MYBBP1A: variants seen among roughly 807,000 people sequenced by gnomAD.
MYBBP1A encodes MYB binding protein 1a.
A neutral mutation model predicts 136.3 loss-of-function variants in MYBBP1A; 147 were observed. That is an observed-to-expected ratio of 1.08 (90% CI 0.94 to 1.24). The LOEUF is 1.24. MYBBP1A is among the 50% of genes most tolerant of loss of function. MYBBP1A has a pLI of 0.00. For synonymous variants in MYBBP1A, 947 were observed against 735.8 expected (o/e 1.29, Z -4.65); for missense variants, 2,060 against 1,727.4 (o/e 1.19, Z -3.41).
rs771531122 is a variant in MYBBP1A at position 4,542,923 on chromosome 17, G to A, written c.2882C>T (p.Thr961Met). 5.3e-5 allele frequency: 85 copies of A among 1,613,938 alleles called. No homozygotes were observed. The highest frequency in any genetic ancestry group is 3.2e-4 in the Admixed American group (19 of 60,030). ...KAGTDPSHMP[T>M]GPQAASCLDL... ...CCAGGCCCTGCTCACCTGCGGGCCCGTGGGCATGTGGCTGGGGTCAGTGCC... is the reference window on the plus strand; with the variant it reads ...CCAGGCCCTGCTCACCTGCGGGCCCATGGGCATGTGGCTGGGGTCAGTGCC... Residue 961 changes from threonine (T) to methionine (M), a missense_variant, in exon 20 of 26, where the codon ACG becomes ATG. Thr to Met is a moderately conservative substitution (Grantham distance 81). Transcript: ENST00000254718.
At position 4,555,303 on chromosome 17, in the gene MYBBP1A, G is replaced by T. The variant is rs3809849; in HGVS notation, c.22C>A (p.Gln8Lys). 25 of 1,603,866 alleles carry T rather than the reference G, an allele frequency of 1.6e-5. No individual in the cohort carries two copies. The South Asian group carries it at 2.3e-4, about 15-fold the overall frequency. The change falls in exon 1 of 26, where the codon CAG becomes AAG. Residue 8 changes from glutamine (Q) to lysine (K), a missense_variant. By Grantham distance (53) the Gln-to-Lys change is moderately conservative. Transcript: ENST00000254718. ...GTCGCTTCTCCAGGCGACATCGGCT[G>T]GGCGGGATCCCGGCTCTCCATCTCC... Reference protein sequence around the residue: MESRDPAQPMSPGEATQS... With the variant: MESRDPAKPMSPGEATQS...
At chr17:4,542,840 C>T in intron 20 of MYBBP1A, 73 bp downstream of exon 20, 2 of 1,603,646 alleles carry the variant, frequency 1.2e-6, no homozygotes, top group African/African-American at 2.7e-5. Context: ...AGGGTTGGGC[C>T]CTGGGGAAGT....
In MYBBP1A at chr17:4,550,353, G is replaced by A. The variant is rs1414678488; in HGVS notation, c.1024C>T (p.Leu342Phe). The change falls in exon 9 of 26, where the codon CTC becomes TTC. Residue 342 changes from leucine to phenylalanine, a missense_variant and splice_region_variant. Coordinates refer to ENST00000254718, the MANE Select transcript of MYBBP1A (RefSeq NM_014520.4). Reference protein sequence around the residue: ...HYGEHVCTAKLPKQFKFAPEM... With the variant: ...HYGEHVCTAKFPKQFKFAPEM... ...GGGGCAAACTTGAACTGCTTTGGGA[G>A]CTGCAAGAGTTAGGCATGGCGCTGA... The A allele has an allele frequency of 1.2e-6, 2 of 1,609,458 alleles. No homozygotes were observed. Among genetic ancestry groups the A allele is most frequent in the Non-Finnish European group, 1.7e-6 (2 of 1,178,006 alleles).
rs1476175951 is a variant in MYBBP1A, at chr17:4,539,789, G to A, written c.3613C>T (p.Pro1205Ser). The stretch of plus-strand genomic sequence containing the variant: ...CTCTTCTTCCTGCCCATGCTGGGGG[G>A]CTGGCTCCCGCCGGTGGCTGCAGGT... ...GTPAATGGSQ[P>S]PSMGRKKRNR... Residue 1205 changes from proline (P) to serine (S), a missense_variant, in exon 26 of 26, where the codon CCC becomes TCC. Transcript: ENST00000254718. 6.2e-7 allele frequency: 1 copy of A among 1,612,364 alleles called. No homozygotes were observed. Among genetic ancestry groups the A allele is most frequent in the Non-Finnish European group, 8.5e-7 (1 of 1,180,028 alleles).
Position 4,539,280 on chromosome 17 carries a change from C to G in MYBBP1A, c.*135G>C, listed in dbSNP as rs375238587. The stretch of plus-strand genomic sequence containing the variant: ...TGCCAGAGCAGGATGCCCGGGCAGG[C>G]GGCAACAGCCACCCTCCCCAGTGGC... On this transcript the variant is annotated 3_prime_UTR_variant, in exon 26 of 26. Transcript: ENST00000254718. The G allele has an allele frequency of 4.0e-6, 6 of 1,490,408 alleles. No homozygotes were observed. Among genetic ancestry groups the G allele is most frequent in the Middle Eastern group, 5.0e-4 (2 of 3,966 alleles). 92.3% of individuals were successfully genotyped at this position (1,490,408 alleles called of 1,614,324 possible).
chr17:4,539,113 G>A lies in MYBBP1A; in HGVS notation c.*302C>T, dbSNP rs1382680354. 2.0e-6 allele frequency: 3 copies of A among 1,513,490 alleles called. No homozygotes were observed. The highest frequency in any genetic ancestry group is 2.7e-6 in the Non-Finnish European group (3 of 1,129,656). The allele number at this position is 1,513,490 out of a possible 1,614,324, so 93.8% of individuals were successfully genotyped here. On this transcript the variant is annotated 3_prime_UTR_variant, in exon 26 of 26. Coordinates refer to ENST00000254718, the MANE Select transcript of MYBBP1A (RefSeq NM_014520.4). The stretch of plus-strand genomic sequence containing the variant: ...GCACGAGAGATGGTCACACCTGCCT[G>A]CAGCCAGCACATCAACCTGCACCAA...
chr17:4,552,141 G>A lies in MYBBP1A; in HGVS notation c.889C>T (p.Gln297Ter), dbSNP rs759448898. The A allele has an allele frequency of 1.9e-6, 3 of 1,614,100 alleles. No individual in the cohort carries two copies. In the South Asian group the frequency reaches 3.3e-5, roughly 18 times the overall value. The change falls in exon 7 of 26, where the codon CAG becomes TAG. Residue 297 changes from glutamine (Q) to a stop codon, truncating the protein, a stop_gained. Coordinates refer to ENST00000254718, the MANE Select transcript of MYBBP1A (RefSeq NM_014520.4). LOFTEE classifies it high-confidence loss of function. This position sits in a 1 kb window ranked among gnomAD's most constrained non-coding sequence, Gnocchi z 4.7. ...EVVEQGLLKM[Q>*]FWPASYLCFR... ...CGCCCGCACCTGGCTGGCCAGAACT[G>A]CATCTTCAGCAGCCCTTGTTCCACC...
Position 4,539,852 on chromosome 17 carries a change from G to A in MYBBP1A, c.3550C>T (p.Arg1184Cys), listed in dbSNP as rs756977597. Residue 1184 changes from arginine (R) to cysteine (C), a missense_variant, in exon 26 of 26, where the codon CGC becomes TGC. By Grantham distance (180) the Arg-to-Cys change is radical. Coordinates refer to ENST00000254718, the MANE Select transcript of MYBBP1A (RefSeq NM_014520.4). ...GCTGGCGTGCCATCCTCTGACTTGC[G>A]TTTCTTGCGCTTCTTCGTCTCTGGC... ...FLPETKKRKK[R>C]KSEDGTPAED... The A allele has an allele frequency of 3.7e-5, 60 of 1,607,932 alleles. No individual in the cohort carries two copies. The highest frequency in any genetic ancestry group is 1.6e-4 in the Middle Eastern group (1 of 6,084).
intron 19 of MYBBP1A, among the ~76,000 whole-genome samples, chr17:4,544,020 C>T (rs1398556761): frequency 6.6e-6 from 1 of 152,166 alleles, no homozygotes; most frequent in Non-Finnish European, 1.5e-5. Context: ...GACCAGCTCC[C>T]GTCAGGATGC....
chr17:4,544,757 C>A lies in MYBBP1A; in HGVS notation c.2475G>T (p.Gln825His). Residue 825 changes from glutamine (Q) to histidine (H), a missense_variant, in exon 18 of 26, where the codon CAG (glutamine) becomes CAT (histidine). By Grantham distance (24) the Gln-to-His change is conservative. Coordinates refer to ENST00000254718, the MANE Select transcript of MYBBP1A (RefSeq NM_014520.4). ...GGCCCGCCCCCAGGCTCACCCGGAT[C>A]TGGAAGTCGCGCCGCAGAGCCTTCT... The part of the protein sequence containing the change: ...QKEKALRRDF[Q>H]IRVLDLVEVL... 6.4e-7 allele frequency: 1 copy of A among 1,562,672 alleles called. No individual in the cohort carries two copies.
At chr17:4,549,830 T>C (rs1243211802) in intron 9 of MYBBP1A, among the ~76,000 whole-genome samples, 1 of 147,794 alleles carries the variant, frequency 6.8e-6, no homozygotes, top group Non-Finnish European at 1.5e-5. Context: ...AAACAGGACA[T>C]TCCTTTGCCT....
At chr17:4,550,516 G>A (rs1251152573) in intron 8 of MYBBP1A, among the ~76,000 whole-genome samples, 163 bp from the exon 9 acceptor site, 1 of 152,256 alleles carries the variant, frequency 6.6e-6, no homozygotes, top group African/African-American at 2.4e-5. Context: ...GTTAAATCGA[G>A]CCCCGGCAAT....
chr17:4,554,897 T>TTCTC lies in MYBBP1A; in HGVS notation c.254_257dup (p.Thr87ArgfsTer19). 1 of 1,613,486 alleles carries TTCTC rather than the reference T, an allele frequency of 6.2e-7. No homozygotes were observed. Among genetic ancestry groups the TTCTC allele is most frequent in the Non-Finnish European group, 8.5e-7 (1 of 1,180,008 alleles). ...CCAAACTGTAGCAGGGCCGGGCTGT[T>TTCTC]TCTCGCCCGACCCCGAGTCCCGTGA... On this transcript the variant is annotated frameshift_variant, in exon 2 of 26. Transcript: ENST00000254718. LOFTEE classifies it high-confidence loss of function.
At chr17:4,544,461 C>G (rs1398381106) in intron 19 of MYBBP1A, 28 bp downstream of exon 19, 1 of 1,543,510 alleles carries the variant, frequency 6.5e-7, no homozygotes, top group African/African-American at 1.4e-5. Context: ...GCCGGCCACA[C>G]CTGCCCGCCC....
At chr17:4,541,609 A>G in intron 23 of MYBBP1A, 45 bp from the exon 24 acceptor site, 2 of 1,586,630 alleles carry the variant, frequency 1.3e-6, no homozygotes, top group Non-Finnish European at 8.6e-7. Flanking sequence ...GAGCTGCTCA[A>G]AGCCTTTCTG....
chr17:4,543,430 C>T, intron 19 of MYBBP1A: 1 of 520,356 alleles, frequency 1.9e-6, no homozygotes, highest in Non-Finnish European at 3.4e-6. Context: ...CAACTGCCTG[C>T]CTGGGGCACC....
chr17:4,542,632 A>T lies in MYBBP1A; in HGVS notation c.3002T>A (p.Leu1001His). 4 of 1,613,968 alleles carry T rather than the reference A, an allele frequency of 2.5e-6. No homozygotes were observed. Among genetic ancestry groups the T allele is most frequent in the Non-Finnish European group, 3.4e-6 (4 of 1,179,902 alleles). ...SPLTVPMFLS[L>H]FSRHPVLCQS... ...AACACTCACCGGGTGCCGGGAGAAG[A>T]GGCTGAGGAACATGGGAACTGTGAG... is the stretch of plus-strand genomic sequence containing the variant. The change falls in exon 21 of 26, where the codon CTC becomes CAC. Residue 1001 changes from leucine (L) to histidine (H), a missense_variant. Coordinates refer to ENST00000254718, the MANE Select transcript of MYBBP1A (RefSeq NM_014520.4).
chr17:4,540,648 C>A (rs903350351), intron 24 of MYBBP1A, among the ~76,000 whole-genome samples, 164 bp from the exon 25 acceptor site: 5 of 151,732 alleles, frequency 3.3e-5, no homozygotes, highest in African/African-American at 4.8e-5. Context: ...TGTCTCTTAC[C>A]GAGGGAGGAA....
At chr17:4,554,334 T>C (rs1460259517) in intron 2 of MYBBP1A, 56 bp from the exon 3 acceptor site, 1 of 1,502,870 alleles carries the variant, frequency 6.7e-7, no homozygotes, top group East Asian at 2.3e-5. Context: ...CCCAACTACG[T>C]CTTCACAAAC....
Sources: gnomAD v4.1 joint callset for allele counts (sites outside exome capture counted in the v4.1 genomes callset) on GRCh38, gnomAD v4.1.1 for gene constraint, Gnocchi (gnomAD v3.1) non-coding constraint, MANE v1.5 for transcripts, NCBI Gene and HGNC (gene_info 2026-07-23, HGNC 2026-07-21) for gene names.